Variants in FAF1 observed in about 807,000 individuals in gnomAD.
FAF1 encodes Fas associated factor 1, also known as FAS-associated factor 1.
A neutral mutation model predicts 92.5 loss-of-function variants in FAF1; 25 were observed. The observed-to-expected ratio is 0.27, with a 90% CI of 0.20 to 0.38. FAF1 has a LOEUF of 0.38. Among genes scored for constraint, FAF1 ranks in the 10% least tolerant of loss-of-function variants. The pLI, the probability that FAF1 is intolerant of heterozygous loss-of-function variation, is 1.00. For missense variants in FAF1, 636 were observed against 793.3 expected, an observed-to-expected ratio of 0.80 and a Z score of 2.38; for synonymous variants, 234 against 273.2, an observed-to-expected ratio of 0.86 and a Z score of 1.42.
intron 1 of FAF1, among the ~76,000 whole-genome samples, chr1:50,951,598 C>T (rs2124762949): frequency 6.6e-6 from 1 of 152,280 alleles, no homozygotes. Context: ...TCCTTAACCA[C>T]CAACCATTAA....
intron 1 of FAF1, among the ~76,000 whole-genome samples, chr1:50,918,166 G>A (rs932872366): frequency 2.1e-5 from 3 of 145,294 alleles, no homozygotes; most frequent in Non-Finnish European, 4.6e-5. Flanking sequence ...TTCACTGAAT[G>A]TAAATTTCTT....
intron 12 of FAF1, among the ~76,000 whole-genome samples, chr1:50,568,699 A>T (rs1285482982): frequency 6.6e-6 from 1 of 152,178 alleles, no homozygotes; most frequent in Non-Finnish European, 1.5e-5. Flanking sequence ...GATAGTTAGT[A>T]ACTAATACAA....
chr1:50,938,299 T>C (rs540138422), intron 1 of FAF1, among the ~76,000 whole-genome samples: 1 of 152,332 alleles, frequency 6.6e-6, no homozygotes, highest in African/African-American at 2.4e-5. Context: ...GGGAGCTCCT[T>C]GCCACTACCT....
intron 2 of FAF1, among the ~76,000 whole-genome samples, chr1:50,817,966 T>C (rs1643994407): frequency 1.3e-5 from 2 of 152,170 alleles, no homozygotes; most frequent in Non-Finnish European, 2.9e-5. Context: ...ATTCCACATA[T>C]ATGAAAACTC....
At chr1:50,741,998 G>C (rs1659405221) in intron 5 of FAF1, among the ~76,000 whole-genome samples, 1 of 152,132 alleles carries the variant, frequency 6.6e-6, no homozygotes, top group Non-Finnish European at 1.5e-5. Context: ...AAATCACCTA[G>C]TGAAGAGTAC....
At chr1:50,576,561 G>A (rs1315817043) in intron 12 of FAF1, among the ~76,000 whole-genome samples, 1 of 151,836 alleles carries the variant, frequency 6.6e-6, no homozygotes, top group African/African-American at 2.4e-5. Context: ...TGGTGTAGAA[G>A]AAGAGAATTC....
chr1:50,886,276 A>C (rs1260698058), intron 1 of FAF1, among the ~76,000 whole-genome samples: 1 of 152,166 alleles, frequency 6.6e-6, no homozygotes, highest in Non-Finnish European at 1.5e-5. Flanking sequence ...TCTGGTGTTG[A>C]TGAAATCCCT....
At chr1:50,835,637 A>C (rs1644194366) in intron 2 of FAF1, among the ~76,000 whole-genome samples, 1 of 152,056 alleles carries the variant, frequency 6.6e-6, no homozygotes, top group African/African-American at 2.4e-5. Flanking sequence ...CTCTATTATG[A>C]AACTGTAAAA....
At chr1:50,632,402 T>C (rs770567766) in intron 8 of FAF1, among the ~76,000 whole-genome samples, 9 of 152,208 alleles carry the variant, frequency 5.9e-5, no homozygotes, top group Admixed American at 1.3e-4. Context: ...TTAAGCCAAA[T>C]TGCTCTTCTG....
At chr1:50,472,983 C>G (rs1646595402) in intron 18 of FAF1, among the ~76,000 whole-genome samples, 1 of 152,112 alleles carries the variant, frequency 6.6e-6, no homozygotes, top group South Asian at 2.1e-4. Context: ...TAGTTTAGGT[C>G]TGGAATCTGG....
chr1:50,545,785 A>C (rs531545475), intron 13 of FAF1, among the ~76,000 whole-genome samples: 1 of 152,352 alleles, frequency 6.6e-6, no homozygotes, highest in Non-Finnish European at 1.5e-5. Context: ...ACAAGCATTT[A>C]GTCTATAGAT....
intron 8 of FAF1, among the ~76,000 whole-genome samples, chr1:50,609,720 A>G (rs1052128102): frequency 7.9e-5 from 12 of 152,140 alleles, no homozygotes; most frequent in Admixed American, 6.5e-4. Flanking sequence ...TCCACCTGAA[A>G]CATAAACCAA....
intron 1 of FAF1, among the ~76,000 whole-genome samples, chr1:50,875,678 C>G (rs2124684151): frequency 6.6e-6 from 1 of 152,248 alleles, no homozygotes; most frequent in South Asian, 2.1e-4. Flanking sequence ...GTCTCGAACT[C>G]CTGATCTTGT....
At chr1:50,908,147 A>G (rs1644855132) in intron 1 of FAF1, among the ~76,000 whole-genome samples, 1 of 152,176 alleles carries the variant, frequency 6.6e-6, no homozygotes, top group Non-Finnish European at 1.5e-5. Flanking sequence ...GTCATTCAGG[A>G]GCAGGTTGTT....
intron 12 of FAF1, among the ~76,000 whole-genome samples, chr1:50,579,302 A>G (rs1373309320): frequency 6.6e-6 from 1 of 152,150 alleles, no homozygotes; most frequent in Non-Finnish European, 1.5e-5. Flanking sequence ...TATACATAGT[A>G]TATCTTACAG....
At chr1:50,823,807 G>A (rs1381740674) in intron 2 of FAF1, among the ~76,000 whole-genome samples, 2 of 152,084 alleles carry the variant, frequency 1.3e-5, no homozygotes, top group Admixed American at 6.5e-5. Context: ...TAATTATTTG[G>A]GGGGTACAGA....
intron 6 of FAF1, among the ~76,000 whole-genome samples, chr1:50,724,292 C>T (rs1393003923): frequency 1.1e-4 from 14 of 122,616 alleles, no homozygotes; most frequent in Non-Finnish European, 1.5e-4. Context: ...CACACACACA[C>T]ACATACACAC....
chr1:50,686,723 A>AT (rs1347066170), intron 7 of FAF1, among the ~76,000 whole-genome samples: 1 of 152,028 alleles, frequency 6.6e-6, no homozygotes, highest in East Asian at 1.9e-4. Flanking sequence ...TACAAAGTCT[A>AT]TTTTTTCTTG....
chr1:50,761,547 T>G (rs1660327848), intron 4 of FAF1, among the ~76,000 whole-genome samples: 1 of 152,114 alleles, frequency 6.6e-6, no homozygotes, highest in Non-Finnish European at 1.5e-5. Flanking sequence ...CGCAAATCAA[T>G]AAATGTAATC....
Sources: allele counts gnomAD v4.1 joint callset (sites outside exome capture counted in the v4.1 genomes callset), GRCh38; gene constraint gnomAD v4.1.1; transcripts MANE v1.5; gene names NCBI Gene and HGNC (gene_info 2026-07-23, HGNC 2026-07-21).